PHF21A: variants seen among roughly 807,000 people sequenced by gnomAD.
PHF21A encodes BHC80a.
In PHF21A, 11 loss-of-function variants were observed where a neutral mutation model predicts 82.5. The ratio of observed to expected loss-of-function variants is 0.13; its 90% confidence interval spans 0.08 to 0.22. The LOEUF (loss-of-function observed/expected upper bound fraction) is 0.22. Among genes scored for constraint, PHF21A ranks in the 10% least tolerant of loss-of-function variants. The pLI is 1.00. For synonymous variants in PHF21A, 297 were observed against 302.8 expected, an observed-to-expected ratio of 0.98 and a Z score of 0.20; for missense variants, 579 against 837.8, an observed-to-expected ratio of 0.69 and a Z score of 3.81.
At chr11:45,952,153 A>G (rs1430624154) in intron 11 of PHF21A, among the ~76,000 whole-genome samples, 1 of 152,176 alleles carries the variant, frequency 6.6e-6, no homozygotes, top group Non-Finnish European at 1.5e-5. Flanking sequence ...TTTACCTCAT[A>G]TATGTATCCC....
intron 10 of PHF21A, among the ~76,000 whole-genome samples, chr11:45,954,222 C>T (rs2092440049): frequency 6.6e-6 from 1 of 152,124 alleles, no homozygotes; most frequent in Admixed American, 6.5e-5. Flanking sequence ...GTCTTGAACT[C>T]CCGACCTCAG....
chr11:46,100,402 A>T (rs1187086828), intron 1 of PHF21A, among the ~76,000 whole-genome samples: 1 of 152,174 alleles, frequency 6.6e-6, no homozygotes, highest in East Asian at 1.9e-4. Context: ...TTCCATGGAA[A>T]CCAAGTAGAG....
intron 1 of PHF21A, among the ~76,000 whole-genome samples, chr11:46,109,711 G>A (rs536033455): frequency 6.6e-6 from 1 of 152,274 alleles, no homozygotes; most frequent in Non-Finnish European, 1.5e-5. Context: ...GCCAGGCGTG[G>A]TGGTTTAGGC....
chr11:45,937,044 AC>A (rs1382001245), intron 16 of PHF21A, among the ~76,000 whole-genome samples: 1 of 152,188 alleles, frequency 6.6e-6, no homozygotes, highest in Non-Finnish European at 1.5e-5. Flanking sequence ...TATAATCTAG[AC>A]CCTATGTCAA....
At chr11:46,008,347 G>A (rs753654604) in intron 6 of PHF21A, among the ~76,000 whole-genome samples, 15 of 152,032 alleles carry the variant, frequency 9.9e-5, no homozygotes, top group Non-Finnish European at 1.8e-4. Context: ...AAGCATATCC[G>A]GGACACTATG....
chr11:46,032,236 A>G (rs1268682221), intron 6 of PHF21A, among the ~76,000 whole-genome samples: 1 of 152,140 alleles, frequency 6.6e-6, no homozygotes, highest in African/African-American at 2.4e-5. Flanking sequence ...AATGTAATAT[A>G]ATTTCATTTA....
intron 6 of PHF21A, among the ~76,000 whole-genome samples, chr11:45,987,660 CAAAAAAAAAAAAAA>C (rs71038877): frequency 1.6e-3 from 55 of 34,900 alleles, no homozygotes; most frequent in Admixed American, 2.6e-3. Flanking sequence ...GACCCCGTCT[CAAAAAAAAAAAAAA>C]AAAAAAAAAA....
chr11:46,092,351 GT>G (rs1338014847), intron 1 of PHF21A, 128 bp from the exon 2 acceptor site: 1 of 152,084 alleles, frequency 6.6e-6, no homozygotes, highest in African/African-American at 2.4e-5. Context: ...AGTTTCCAAA[GT>G]TTTAAAACCC....
intron 6 of PHF21A, among the ~76,000 whole-genome samples, chr11:46,026,639 A>C (rs1271017508): frequency 6.6e-6 from 1 of 152,188 alleles, no homozygotes; most frequent in Non-Finnish European, 1.5e-5. Flanking sequence ...AAATGCAAAA[A>C]AAAAATCCTT....
At chr11:46,000,189 A>C (rs866869267) in intron 6 of PHF21A, among the ~76,000 whole-genome samples, 1 of 152,248 alleles carries the variant, frequency 6.6e-6, no homozygotes, top group African/African-American at 2.4e-5. Context: ...CAACATATTT[A>C]GCACGAAGAA....
At chr11:46,100,729 T>G (rs1012098081) in intron 1 of PHF21A, among the ~76,000 whole-genome samples, 5 of 152,170 alleles carry the variant, frequency 3.3e-5, no homozygotes, top group African/African-American at 1.2e-4. Flanking sequence ...GGGTCTAATT[T>G]AAACTAATGC....
rs1248710534 is a variant in PHF21A, at chr11:45,934,173, C to T, written c.1841G>A (p.Ser614Asn). 4 of 1,613,914 alleles carry T rather than the reference C, an allele frequency of 2.5e-6. No homozygotes were observed. In the African/African-American group the frequency reaches 4.0e-5, roughly 16 times the overall value. Residue 614 changes from serine (S) to asparagine (N), a missense_variant, in exon 19 of 19, where the codon AGC becomes AAC. Ser to Asn is a conservative substitution (Grantham distance 46). This residue lies in a region of PHF21A where 157 missense variants were observed against 149.4 expected (regional missense o/e 1.05). Transcript: ENST00000676320. ...TILARQKEMH[S>N]SLEKVKQLIR... is the part of the protein sequence containing the mutation. The stretch of plus-strand genomic sequence containing the variant: ...CAGCTGTTTTACCTTCTCCAGGGAG[C>T]TGTGCATCTCCTTCTGCCGGGCCAG...
intron 6 of PHF21A, among the ~76,000 whole-genome samples, chr11:46,061,316 C>A (rs1247630162): frequency 2.0e-5 from 3 of 152,110 alleles, no homozygotes; most frequent in African/African-American, 4.8e-5. Flanking sequence ...CCATATGAAT[C>A]TTAAAATAGT....
In PHF21A at chr11:46,025,239, C is replaced by T. The variant is rs17789551; in HGVS notation, c.154-45273G>A. On this transcript the variant is annotated intron_variant, in intron 6 of 18. Coordinates refer to ENST00000676320, the MANE Select transcript of PHF21A (RefSeq NM_001352027.3). ...TCTCCCAACAGAGTATGATTTCATA[C>T]CACAGATACAAAGAGGTGGAGTCTT... Among the ~76,000 whole-genome samples, 471 of 152,076 alleles carry T rather than the reference C, an allele frequency of 3.1e-3. 8 individuals are homozygous for T. The South Asian group carries it at 0.046, about 15-fold the overall frequency.
chr11:45,940,798 A>T (rs1305177014), intron 15 of PHF21A, among the ~76,000 whole-genome samples: 1 of 152,222 alleles, frequency 6.6e-6, no homozygotes, highest in East Asian at 1.9e-4. Context: ...ACTACAGAAA[A>T]AATTATCAGT....
intron 6 of PHF21A, among the ~76,000 whole-genome samples, chr11:46,054,774 A>C (rs1005578811): frequency 6.6e-6 from 1 of 152,200 alleles, no homozygotes; most frequent in Non-Finnish European, 1.5e-5. Flanking sequence ...ATGCCTCCAA[A>C]TAATAGATAC....
chr11:45,985,978 A>C, intron 6 of PHF21A, among the ~76,000 whole-genome samples: 1 of 152,064 alleles, frequency 6.6e-6, no homozygotes, highest in East Asian at 1.9e-4. Flanking sequence ...AATTCTCTGC[A>C]TGGATGTTTA....
rs1185069161 is a variant in PHF21A at position 45,933,904 on chromosome 11, A to T, written c.*64T>A. On this transcript the variant is annotated 3_prime_UTR_variant, in exon 19 of 19. Coordinates refer to ENST00000676320, the MANE Select transcript of PHF21A (RefSeq NM_001352027.3). ...TCCAGAAATCCGGCTTTGCTTTTCT[A>T]GAGTCTTCAGTGTTCTGTTCTCCTT... The T allele has an allele frequency of 2.1e-6, 3 of 1,420,324 alleles. No homozygotes were observed. In the South Asian group the frequency reaches 4.6e-5, roughly 22 times the overall value. The allele number at this position is 1,420,324 out of a possible 1,614,324, so 88.0% of individuals were successfully genotyped here.
intron 16 of PHF21A, chr11:45,936,775 G>C: frequency 1.9e-6 from 1 of 537,218 alleles, no homozygotes; most frequent in Non-Finnish European, 3.3e-6. Flanking sequence ...GGCAGGAAGA[G>C]CCAGGACACT....
Sources: allele counts gnomAD v4.1 joint callset (sites outside exome capture counted in the v4.1 genomes callset), GRCh38; gene constraint gnomAD v4.1.1; regional missense constraint gnomAD v4.1.1; transcripts MANE v1.5; gene names NCBI Gene and HGNC (gene_info 2026-07-23, HGNC 2026-07-21).